Variants in C8orf34 observed in about 807,000 individuals in gnomAD.
C8orf34 encodes the protein chromosome 8 open reading frame 34, also known as uncharacterized protein C8orf34.
A neutral mutation model predicts 68.3 loss-of-function variants in C8orf34; 65 were observed. The ratio of observed to expected loss-of-function variants is 0.95; its 90% CI spans 0.78 to 1.17. The LOEUF (loss-of-function observed/expected upper bound fraction) is 1.17, where lower values mean the gene tolerates loss of function less well. Among genes scored for constraint, C8orf34 ranks in the 50% most tolerant of loss-of-function variants. C8orf34 has a pLI of 0.00. For synonymous variants in C8orf34, 244 were observed against 241.2 expected (o/e 1.01, Z -0.11); for missense variants, 664 against 655.4 (o/e 1.01, Z -0.14).
Position 68,525,956 on chromosome 8 carries a change from C to CTTTT in C8orf34, c.938+4002_938+4005dup, listed in dbSNP as rs10692707. The stretch of plus-strand genomic sequence containing the variant: ...CTGAAAGAGACAAATTTCTTTCTTT[C>CTTTT]TTTTTTTTTTTTTTTTTTTTGAGAC... On this transcript the variant is annotated intron_variant, in intron 6 of 13. Coordinates refer to ENST00000518698, the MANE Select transcript of C8orf34 (RefSeq NM_052958.4). The CTTTT allele has an allele frequency of 8.0e-3, 1,424 of 178,276 alleles. 12 individuals carry two copies. The highest frequency in any genetic ancestry group is 9.9e-3 in the Non-Finnish European group (976 of 98,322). The allele number at this position is 178,276 out of a possible 1,614,324, so 11.0% of individuals were successfully genotyped here. A position where few individuals can be genotyped will look rare whatever the true frequency, so the allele number is the denominator to read the frequency against.
At chr8:68,675,583 A>T (rs1328179757) in intron 8 of C8orf34, among the ~76,000 whole-genome samples, 1 of 151,894 alleles carries the variant, frequency 6.6e-6, no homozygotes, top group Non-Finnish European at 1.5e-5. Context: ...AAAAAAACAC[A>T]CACAAAATAT....
At chr8:68,455,169 A>ATC (rs1811495185) in intron 3 of C8orf34, among the ~76,000 whole-genome samples, 1 of 152,134 alleles carries the variant, frequency 6.6e-6, no homozygotes, top group Non-Finnish European at 1.5e-5. Context: ...CTAACATAAG[A>ATC]TCTCTCCTAG....
intron 12 of C8orf34, among the ~76,000 whole-genome samples, chr8:68,801,892 A>G (rs938590611): frequency 1.5e-5 from 2 of 131,834 alleles, no homozygotes; most frequent in Non-Finnish European, 3.1e-5. Context: ...TTAATGCAGT[A>G]ATTAAAAAAA....
chr8:68,774,739 AAT>A (rs149346410), intron 10 of C8orf34, among the ~76,000 whole-genome samples: 71,913 of 149,414 alleles, frequency 0.48, 19,400 homozygotes, highest in African/African-American at 0.73. Flanking sequence ...AATACATCAC[AAT>A]TTTTTTTAAA....
At chr8:68,521,756 A>T (rs556290735) in intron 5 of C8orf34, 43 bp from the exon 6 acceptor site, 1 of 1,541,216 alleles carries the variant, frequency 6.5e-7, no homozygotes, top group South Asian at 1.2e-5. Context: ...CCTGTTAATA[A>T]GAAAAAGCCA....
intron 8 of C8orf34, among the ~76,000 whole-genome samples, chr8:68,669,969 A>G (rs1819956765): frequency 6.6e-6 from 1 of 152,188 alleles, no homozygotes; most frequent in African/African-American, 2.4e-5. Context: ...TCACTCAGCA[A>G]TTATACCTCC....
chr8:68,463,683 A>G (rs957567535), intron 3 of C8orf34, among the ~76,000 whole-genome samples: 1 of 152,224 alleles, frequency 6.6e-6, no homozygotes, highest in Admixed American at 6.5e-5. Flanking sequence ...AGAATCAAAG[A>G]CAAAAACCAC....
At chr8:68,335,890 C>A (rs1419972922) in intron 1 of C8orf34, among the ~76,000 whole-genome samples, 2 of 152,028 alleles carry the variant, frequency 1.3e-5, no homozygotes, top group Non-Finnish European at 2.9e-5. Context: ...GACCAAAGAC[C>A]AGCCTGGCCA....
Position 68,563,100 on chromosome 8 carries a change from C to T in C8orf34, c.1105+29951C>T, listed in dbSNP as rs147805324. Among the ~76,000 whole-genome samples, 597 of 152,242 alleles carry T rather than the reference C, an allele frequency of 3.9e-3. 7 individuals are homozygous for T. The highest frequency in any genetic ancestry group is 0.013 in the African/African-American group (544 of 41,550). On this transcript the variant is annotated intron_variant, in intron 7 of 13. Coordinates refer to ENST00000518698, the MANE Select transcript of C8orf34 (RefSeq NM_052958.4). ...TTTTCCTTATTCTACCACCATTAAC[C>T]TCCTAATATTACTAACACTGTCACA... is the stretch of plus-strand genomic sequence containing the variant.
chr8:68,353,124 G>C (rs1053494589), intron 1 of C8orf34, among the ~76,000 whole-genome samples: 1 of 152,024 alleles, frequency 6.6e-6, no homozygotes, highest in Non-Finnish European at 1.5e-5. Context: ...AGTAGGAAAT[G>C]GGTCATGAGC....
At chr8:68,342,399 T>A (rs373438011) in intron 1 of C8orf34, among the ~76,000 whole-genome samples, 4 of 152,082 alleles carry the variant, frequency 2.6e-5, no homozygotes, top group African/African-American at 9.7e-5. Flanking sequence ...GATTAGAAGA[T>A]AAGTTACCGG....
At chr8:68,660,189 G>C (rs1819630288) in intron 8 of C8orf34, among the ~76,000 whole-genome samples, 1 of 152,012 alleles carries the variant, frequency 6.6e-6, no homozygotes, top group Non-Finnish European at 1.5e-5. Context: ...TCCCTCAAAG[G>C]AATCCCAGTG....
At chr8:68,774,256 G>A (rs192789760) in intron 10 of C8orf34, among the ~76,000 whole-genome samples, 3 of 150,730 alleles carry the variant, frequency 2.0e-5, no homozygotes, top group Admixed American at 6.6e-5. Context: ...GTTAGTGTCC[G>A]AATGAGGGTA....
chr8:68,709,058 G>GA lies in C8orf34; in HGVS notation c.1312dup (p.Ile438AsnfsTer12), dbSNP rs755035986. 3.1e-6 allele frequency: 5 copies of GA among 1,612,158 alleles called. No individual in the cohort carries two copies. The highest frequency in any genetic ancestry group is 1.3e-5 in the African/African-American group (1 of 74,888). On this transcript the variant is annotated frameshift_variant, in exon 9 of 14. Coordinates refer to ENST00000518698, the MANE Select transcript of C8orf34 (RefSeq NM_052958.4). LOFTEE classifies it high-confidence loss of function. ...ACTACCAATACTCCATTCTCCAGATGAAAAAATCCCAGATTCATTCGGTAA... is the reference window on the plus strand; with the variant it reads ...ACTACCAATACTCCATTCTCCAGATGAAAAAAATCCCAGATTCATTCGGTAA...
At chr8:68,366,509 T>C (rs1807263622) in intron 1 of C8orf34, among the ~76,000 whole-genome samples, 1 of 149,888 alleles carries the variant, frequency 6.7e-6, no homozygotes, top group Admixed American at 6.6e-5. Flanking sequence ...ACTACAAGGC[T>C]ACAGTAACCA....
chr8:68,485,330 A>G (rs1430066825), intron 4 of C8orf34, among the ~76,000 whole-genome samples: 1 of 152,188 alleles, frequency 6.6e-6, no homozygotes, highest in Non-Finnish European at 1.5e-5. Flanking sequence ...CCTAAAAGAA[A>G]CTTAAAGATC....
intron 6 of C8orf34, among the ~76,000 whole-genome samples, chr8:68,522,614 A>G (rs941543991): frequency 6.6e-6 from 1 of 152,232 alleles, no homozygotes; most frequent in Non-Finnish European, 1.5e-5. Context: ...TGCTGGTAAT[A>G]GTGAATTAAT....
intron 8 of C8orf34, among the ~76,000 whole-genome samples, chr8:68,679,337 T>TA (rs1422127132): frequency 6.6e-6 from 1 of 151,208 alleles, no homozygotes; most frequent in African/African-American, 2.4e-5. Context: ...TAAAATAAAA[T>TA]AAAATAAAAT....
At chr8:68,503,138 C>T (rs1006863276) in intron 5 of C8orf34, among the ~76,000 whole-genome samples, 4 of 152,244 alleles carry the variant, frequency 2.6e-5, no homozygotes, top group African/African-American at 9.6e-5. Context: ...AAAAGACTGT[C>T]CATCAGTTGC....
Sources: allele counts gnomAD v4.1 joint callset (sites outside exome capture counted in the v4.1 genomes callset), GRCh38; gene constraint gnomAD v4.1.1; transcripts MANE v1.5; gene names NCBI Gene and HGNC (gene_info 2026-07-23, HGNC 2026-07-21).